The following LRMDA variants were observed in gnomAD, a reference collection of about 807,000 sequenced individuals.
LRMDA encodes leucine-rich melanocyte differentiation-associated protein.
Under a neutral mutation model 29.8 loss-of-function variants are expected in LRMDA, and 18 were observed. The ratio of observed to expected loss-of-function variants is 0.60; its 90% CI spans 0.42 to 0.90. The LOEUF is 0.90. LRMDA is among the 40% of genes least tolerant of loss of function. The pLI, the probability that LRMDA is intolerant of heterozygous loss-of-function variation, is 0.00. For synonymous variants in LRMDA, 125 were observed against 109.4 expected (o/e 1.14, Z -0.89); for missense variants, 273 against 273.9 (o/e 1.00, Z 0.02).
At chr10:76,169,321 T>C (rs1850793384) in intron 5 of LRMDA, among the ~76,000 whole-genome samples, 1 of 152,194 alleles carries the variant, frequency 6.6e-6, no homozygotes, top group African/African-American at 2.4e-5. Context: ...AGTTTCATCC[T>C]ATAAGGAAAA....
chr10:76,084,721 A>G (rs558007944), intron 5 of LRMDA, among the ~76,000 whole-genome samples: 1 of 152,316 alleles, frequency 6.6e-6, no homozygotes, highest in South Asian at 2.1e-4. Flanking sequence ...AGTAAAAATT[A>G]GCCACTGTTA....
intron 2 of LRMDA, among the ~76,000 whole-genome samples, chr10:75,804,107 G>A (rs928175803): frequency 3.1e-4 from 47 of 152,316 alleles, no homozygotes; most frequent in African/African-American, 1.1e-3. Context: ...AAATTGAGCT[G>A]TTTTATTCCT....
intron 5 of LRMDA, among the ~76,000 whole-genome samples, chr10:76,139,784 A>G (rs1046424455): frequency 6.6e-6 from 1 of 152,194 alleles, no homozygotes; most frequent in African/African-American, 2.4e-5. Flanking sequence ...TGTTATGTCA[A>G]ACTAAGAGTG....
chr10:75,681,424 G>A (rs1015226120), intron 2 of LRMDA, among the ~76,000 whole-genome samples: 3 of 152,192 alleles, frequency 2.0e-5, no homozygotes, highest in African/African-American at 2.4e-5. Context: ...TCTTGCTGAG[G>A]CATTTGCAGG....
At position 75,615,136 on chromosome 10, in the gene LRMDA, G is replaced by C. The variant is rs138615054; in HGVS notation, c.131+176642G>C. ...ACTTGGGCTTGAGGAAAGAGACCTT[G>C]AAGACTGCAGTGGTTTTCTAGCTCT... On this transcript the variant is annotated intron_variant, in intron 2 of 6. Transcript: ENST00000611255. Among the ~76,000 whole-genome samples the C allele has an allele frequency of 2.0e-5, 3 of 152,290 alleles. No individual in the cohort carries two copies. The East Asian group carries it at 5.8e-4, about 29-fold the overall frequency.
intron 6 of LRMDA, among the ~76,000 whole-genome samples, chr10:76,474,601 A>C (rs1258500052): frequency 6.6e-6 from 1 of 151,792 alleles, no homozygotes; most frequent in Non-Finnish European, 1.5e-5. Flanking sequence ...AGATATAGAA[A>C]TAGCCAATAA....
At chr10:76,232,256 T>C (rs1166633149) in intron 5 of LRMDA, among the ~76,000 whole-genome samples, 1 of 152,218 alleles carries the variant, frequency 6.6e-6, no homozygotes, top group East Asian at 1.9e-4. Context: ...GCTATTTTTA[T>C]TTATATTTCT....
chr10:75,452,575 C>CTTTTTTTTTTTTTTTTTTT (rs10636455), intron 2 of LRMDA, among the ~76,000 whole-genome samples: 1 of 117,330 alleles, frequency 8.5e-6, no homozygotes, highest in Non-Finnish European at 1.7e-5. Context: ...CAGGATATGA[C>CTTTTTTTTTTTTTTTTTTT]TTTTTTTTTT....
chr10:76,296,358 C>T (rs1840412095), intron 5 of LRMDA, among the ~76,000 whole-genome samples: 1 of 152,182 alleles, frequency 6.6e-6, no homozygotes, highest in South Asian at 2.1e-4. Flanking sequence ...TGCTGCCACT[C>T]CTGCAGGCTT....
At chr10:75,548,416 C>G (rs1463746021) in intron 2 of LRMDA, among the ~76,000 whole-genome samples, 1 of 152,136 alleles carries the variant, frequency 6.6e-6, no homozygotes, top group Non-Finnish European at 1.5e-5. Flanking sequence ...TTGGGAGTTC[C>G]TTTCCCATGC....
intron 6 of LRMDA, among the ~76,000 whole-genome samples, chr10:76,415,092 T>G (rs1842001150): frequency 6.6e-6 from 1 of 152,242 alleles, no homozygotes; most frequent in African/African-American, 2.4e-5. Context: ...AGCAAGTGGC[T>G]CCATGTGTCT....
intron 6 of LRMDA, among the ~76,000 whole-genome samples, chr10:76,395,165 A>G (rs1841769020): frequency 6.6e-6 from 1 of 152,212 alleles, no homozygotes; most frequent in Non-Finnish European, 1.5e-5. Context: ...GGAGCAAGTA[A>G]GTGCAATACC....
chr10:76,423,212 T>C (rs1039254446), intron 6 of LRMDA, among the ~76,000 whole-genome samples: 9 of 152,178 alleles, frequency 5.9e-5, no homozygotes, highest in Non-Finnish European at 1.2e-4. Context: ...CTGAGTAACA[T>C]GGCAAAACCC....
At chr10:76,241,772 C>A (rs1852281432) in intron 5 of LRMDA, among the ~76,000 whole-genome samples, 1 of 152,094 alleles carries the variant, frequency 6.6e-6, no homozygotes, top group Non-Finnish European at 1.5e-5. Context: ...AATGTGGGGT[C>A]CTGGAGACTG....
chr10:76,071,426 G>A (rs1263842602), intron 5 of LRMDA, among the ~76,000 whole-genome samples: 1 of 152,194 alleles, frequency 6.6e-6, no homozygotes, highest in Non-Finnish European at 1.5e-5. Flanking sequence ...CTAATTTTTA[G>A]TCATGGGATG....
intron 2 of LRMDA, among the ~76,000 whole-genome samples, chr10:75,678,164 C>T (rs1052398927): frequency 1.3e-5 from 2 of 152,108 alleles, no homozygotes; most frequent in African/African-American, 4.8e-5. Flanking sequence ...ACGTATATAG[C>T]TAAACATATA....
At chr10:75,492,930 A>G (rs1458892309) in intron 2 of LRMDA, among the ~76,000 whole-genome samples, 13 of 152,236 alleles carry the variant, frequency 8.5e-5, no homozygotes, top group Admixed American at 5.9e-4. Context: ...AAGGCTTAGC[A>G]TTTATTGAAC....
At chr10:76,489,852 TCTTCA>T (rs1486809791) in intron 6 of LRMDA, among the ~76,000 whole-genome samples, 5 of 151,796 alleles carry the variant, frequency 3.3e-5, no homozygotes, top group Non-Finnish European at 7.4e-5. Flanking sequence ...ATAGCTTCCC[TCTTCA>T]CTTGACACTC....
At chr10:75,822,354 T>C (rs1291054308) in intron 2 of LRMDA, among the ~76,000 whole-genome samples, 2 of 152,140 alleles carry the variant, frequency 1.3e-5, no homozygotes, top group African/African-American at 2.4e-5. Context: ...GCTCCTGGAA[T>C]GGAAGAATCA....
Sources: gnomAD v4.1 joint callset for allele counts (sites outside exome capture counted in the v4.1 genomes callset) on GRCh38, gnomAD v4.1.1 for gene constraint, MANE v1.5 for transcripts, NCBI Gene and HGNC (gene_info 2026-07-23, HGNC 2026-07-21) for gene names.